The following LHFPL3 variants were observed in gnomAD, a reference collection of about 807,000 sequenced individuals.
LHFPL3 encodes LHFPL tetraspan subfamily member 3.
A neutral mutation model predicts 19.3 loss-of-function variants in LHFPL3; 5 were observed. That is an observed-to-expected ratio of 0.26 (90% CI 0.14 to 0.54). The LOEUF is 0.54. LHFPL3 is among the 20% of genes least tolerant of loss of function. LHFPL3 has a pLI of 0.94. For missense variants in LHFPL3, 249 were observed against 307.4 expected (o/e 0.81, Z 1.42); for synonymous variants, 133 against 126.2 (o/e 1.05, Z -0.36).
At position 104,652,721 on chromosome 7, in the gene LHFPL3, A is replaced by G. The variant is rs1359232002; in HGVS notation, c.446-83954A>G. 2.6e-5 allele frequency among the ~76,000 whole-genome samples: 4 copies of G among 152,244 alleles called. No homozygotes were observed. The East Asian group carries it at 7.7e-4, about 29-fold the overall frequency. On this transcript the variant is annotated intron_variant, in intron 1 of 2. Transcript: ENST00000424859. ...CACTCTAAGAAGGGAGCAAAGCTGC[A>G]GGAGAAGCAAAGCCAGGCACTAGTT... is the stretch of plus-strand genomic sequence containing the variant.
At position 104,874,648 on chromosome 7, in the gene LHFPL3, A is replaced by G. The variant is rs1791903264; in HGVS notation, c.683-31539A>G. ...GGTCTTGAACTCCTGACCTCAGGTG[A>G]TCTGCCCGCCTCGGCTGCCCAAAGT... is the stretch of plus-strand genomic sequence containing the variant. On this transcript the variant is annotated intron_variant, in intron 2 of 2. Transcript: ENST00000424859. Among the ~76,000 whole-genome samples the G allele has an allele frequency of 4.6e-5, 7 of 152,108 alleles. No individual in the cohort carries two copies. In the South Asian group the frequency reaches 1.5e-3, roughly 32 times the overall value.
At chr7:104,531,394 A>G (rs1794291037) in intron 1 of LHFPL3, among the ~76,000 whole-genome samples, 1 of 152,140 alleles carries the variant, frequency 6.6e-6, no homozygotes, top group Non-Finnish European at 1.5e-5. Flanking sequence ...GAACTGACTT[A>G]TTTTCTAGTG....
chr7:104,430,408 A>T (rs188747804), intron 1 of LHFPL3, among the ~76,000 whole-genome samples: 1 of 32,510 alleles, frequency 3.1e-5, no homozygotes, highest in Non-Finnish European at 4.9e-5. Flanking sequence ...ATATATACAT[A>T]TATATATATA....
intron 1 of LHFPL3, among the ~76,000 whole-genome samples, chr7:104,447,935 G>A (rs908203717): frequency 6.6e-6 from 1 of 151,780 alleles, no homozygotes; most frequent in African/African-American, 2.4e-5. Context: ...CGATTTTTGT[G>A]GGTCAAAAAT....
chr7:104,688,441 G>A (rs1413171633), intron 1 of LHFPL3, among the ~76,000 whole-genome samples: 13 of 152,254 alleles, frequency 8.5e-5, no homozygotes, highest in East Asian at 3.9e-4. Flanking sequence ...AAGTGAGGGC[G>A]TTGATTGGAA....
intron 2 of LHFPL3, among the ~76,000 whole-genome samples, chr7:104,900,803 C>A (rs1792467919): frequency 6.6e-6 from 1 of 152,164 alleles, no homozygotes; most frequent in African/African-American, 2.4e-5. Flanking sequence ...AAAGGATTTG[C>A]AAAGAGCCCT....
At chr7:104,532,068 A>C (rs1226293545) in intron 1 of LHFPL3, among the ~76,000 whole-genome samples, 4 of 151,938 alleles carry the variant, frequency 2.6e-5, no homozygotes, top group African/African-American at 9.7e-5. Flanking sequence ...AGGACTACAC[A>C]CTTCTTTTCT....
intron 1 of LHFPL3, among the ~76,000 whole-genome samples, chr7:104,445,007 T>C (rs549516794): frequency 6.6e-6 from 1 of 151,946 alleles, no homozygotes; most frequent in Admixed American, 6.6e-5. Flanking sequence ...AAAAAGAATA[T>C]TTATCACAGA....
intron 2 of LHFPL3, among the ~76,000 whole-genome samples, chr7:104,897,487 C>T (rs1792390484): frequency 1.3e-5 from 2 of 152,198 alleles, no homozygotes; most frequent in Admixed American, 1.3e-4. Context: ...TGTAAAACTT[C>T]ATGATCCTGA....
chr7:104,678,330 ACAG>A (rs1792631111), intron 1 of LHFPL3, among the ~76,000 whole-genome samples: 1 of 152,196 alleles, frequency 6.6e-6, no homozygotes, highest in South Asian at 2.1e-4. Flanking sequence ...CCCAGAGTAA[ACAG>A]CACCCCTTAC....
At chr7:104,659,580 G>A (rs1283561791) in intron 1 of LHFPL3, among the ~76,000 whole-genome samples, 1 of 152,170 alleles carries the variant, frequency 6.6e-6, no homozygotes, top group Non-Finnish European at 1.5e-5. Context: ...GGAATTCTTA[G>A]CAGGATTAGG....
At chr7:104,512,101 C>T (rs1012622119) in intron 1 of LHFPL3, among the ~76,000 whole-genome samples, 8 of 151,644 alleles carry the variant, frequency 5.3e-5, no homozygotes, top group East Asian at 3.9e-4. Context: ...ATTACAGGCA[C>T]GCTCCACCAC....
At chr7:104,363,532 G>A (rs1173923218) in intron 1 of LHFPL3, among the ~76,000 whole-genome samples, 1 of 152,212 alleles carries the variant, frequency 6.6e-6, no homozygotes, top group African/African-American at 2.4e-5. Context: ...CTCACCTGGG[G>A]ATCTAGGCTG....
chr7:104,403,600 T>A (rs1166703293), intron 1 of LHFPL3, among the ~76,000 whole-genome samples: 1 of 152,220 alleles, frequency 6.6e-6, no homozygotes, highest in African/African-American at 2.4e-5. Context: ...CTCTTTATAC[T>A]GTTTAAAAAG....
At chr7:104,658,627 C>T (rs533582343) in intron 1 of LHFPL3, among the ~76,000 whole-genome samples, 1 of 152,198 alleles carries the variant, frequency 6.6e-6, no homozygotes, top group South Asian at 2.1e-4. Context: ...ATGGTGAAAC[C>T]CCGTCTCTAC....
chr7:104,767,877 C>T (rs971806489), intron 2 of LHFPL3, among the ~76,000 whole-genome samples: 1 of 152,138 alleles, frequency 6.6e-6, no homozygotes, highest in Non-Finnish European at 1.5e-5. Context: ...CTTCATGTGA[C>T]TTGGCCTTTA....
At chr7:104,609,046 C>T (rs1484326249) in intron 1 of LHFPL3, among the ~76,000 whole-genome samples, 1 of 151,976 alleles carries the variant, frequency 6.6e-6, no homozygotes, top group East Asian at 1.9e-4. Flanking sequence ...GAGGGCGGAT[C>T]ACAAGGTCAG....
At chr7:104,549,128 A>C (rs890128865) in intron 1 of LHFPL3, among the ~76,000 whole-genome samples, 22 of 152,062 alleles carry the variant, frequency 1.4e-4, no homozygotes, top group Non-Finnish European at 2.9e-5. Context: ...GCTGGTGGAG[A>C]AAGGAGTAAA....
intron 1 of LHFPL3, among the ~76,000 whole-genome samples, chr7:104,641,247 G>A (rs1791827280): frequency 6.6e-6 from 1 of 152,206 alleles, no homozygotes; most frequent in Admixed American, 6.5e-5. Flanking sequence ...TGCATCACCA[G>A]CAATGCACTT....
Sources: gnomAD v4.1 joint callset for allele counts (sites outside exome capture counted in the v4.1 genomes callset) on GRCh38, gnomAD v4.1.1 for gene constraint, MANE v1.5 for transcripts, NCBI Gene and HGNC (gene_info 2026-07-23, HGNC 2026-07-21) for gene names.